Variants in TDRP observed in about 807,000 individuals in gnomAD.
The protein encoded by TDRP is testis development related protein, also known as testis development-related protein.
In TDRP, 12 loss-of-function variants were observed where a neutral mutation model predicts 10.5. The ratio of observed to expected loss-of-function variants is 1.15; its 90% confidence interval spans 0.73 to 1.86. TDRP has a LOEUF of 1.86. Among genes scored for constraint, TDRP ranks in the 40% most tolerant of loss-of-function variants. The pLI is 0.00. For missense variants in TDRP, 353 were observed against 229.2 expected (o/e 1.54, Z -3.49); for synonymous variants, 139 against 95.4 (o/e 1.46, Z -2.67).
At chr8:521,827 G>C (rs1044540279) in intron 1 of TDRP, among the ~76,000 whole-genome samples, 1 of 152,100 alleles carries the variant, frequency 6.6e-6, no homozygotes, top group Non-Finnish European at 1.5e-5. Flanking sequence ...GGGTAATATG[G>C]ACATTTTAAC....
intron 1 of TDRP, among the ~76,000 whole-genome samples, chr8:520,002 G>A (rs1356145670): frequency 2.6e-5 from 4 of 152,202 alleles, no homozygotes; most frequent in South Asian, 2.1e-4. Flanking sequence ...GGCACAGAAT[G>A]GGAAAGAAAG....
At chr8:541,608 G>C (rs1247879847) in intron 1 of TDRP, among the ~76,000 whole-genome samples, 4 of 152,158 alleles carry the variant, frequency 2.6e-5, no homozygotes, top group African/African-American at 9.7e-5. Flanking sequence ...GATCTAAACA[G>C]ACACCTCACC....
chr8:494,543 C>A lies in TDRP; in HGVS notation c.163G>T (p.Asp55Tyr), dbSNP rs1451139222. The A allele has an allele frequency of 1.9e-6, 3 of 1,613,984 alleles. No homozygotes were observed. The highest frequency in any genetic ancestry group is 2.5e-6 in the Non-Finnish European group (3 of 1,179,878). The change falls in exon 2 of 3, where the codon GAT (aspartate) becomes TAT (tyrosine). Residue 55 changes from aspartate to tyrosine, a missense_variant. Coordinates refer to ENST00000324079, the MANE Select transcript of TDRP (RefSeq NM_001384899.1). ...WKEVTSLFNK[D>Y]DEQHLLERCK... ...CTTTCCAGGAGATGCTGCTCATCAT[C>A]TTTGTTAAACAGTGAAGTCACTTCT...
chr8:525,161 A>G lies in TDRP; in HGVS notation c.108+19489T>C, dbSNP rs988430219. ...CTTACAGGTCAAGAGAGACAGCGGC[A>G]TGACATAATTAAAGTGCTGAAGGAA... On this transcript the variant is annotated intron_variant, in intron 1 of 2. Transcript: ENST00000324079. Among the ~76,000 whole-genome samples, 3 of 152,338 alleles carry G rather than the reference A, an allele frequency of 2.0e-5. No homozygotes were observed. In the East Asian group the frequency reaches 5.8e-4, roughly 29 times the overall value.
Position 521,246 on chromosome 8 carries a change from C to CAAAAAAA in TDRP, c.108+23397_108+23403dup, listed in dbSNP as rs57263869. 4.3e-4 allele frequency among the ~76,000 whole-genome samples: 36 copies of CAAAAAAA among 84,576 alleles called. 4 individuals carry two copies. Among genetic ancestry groups the CAAAAAAA allele is most frequent in the African/African-American group, 9.9e-4 (21 of 21,276 alleles). 55.5% of individuals were successfully genotyped at this position (84,576 alleles called of 152,430 possible). A position where few individuals can be genotyped will look rare whatever the true frequency, so the allele number is the denominator to read the frequency against. On this transcript the variant is annotated intron_variant, in intron 1 of 2. Transcript: ENST00000324079. The stretch of plus-strand genomic sequence containing the variant: ...TCAAACCCCGTCTCTACTAAAAATC[C>CAAAAAAA]AAAAAAAAAAAAAAAAAAAAAATAG...
chr8:520,185 T>G (rs62484425), intron 1 of TDRP, among the ~76,000 whole-genome samples: 4,796 of 152,344 alleles, frequency 0.031, 126 homozygotes, highest in Non-Finnish European at 0.049. Flanking sequence ...CAATACCTCA[T>G]GTAAGTAGAA....
chr8:531,790 G>A (rs909661746), intron 1 of TDRP, among the ~76,000 whole-genome samples: 2 of 152,154 alleles, frequency 1.3e-5, no homozygotes, highest in Non-Finnish European at 2.9e-5. Context: ...ATTAACCACA[G>A]CCAAATATCT....
chr8:503,961 T>A (rs1321041004), intron 1 of TDRP, among the ~76,000 whole-genome samples: 1 of 125,094 alleles, frequency 8.0e-6, no homozygotes, highest in Non-Finnish European at 1.6e-5. Context: ...AATGCCCACC[T>A]CAGCACAAGT....
rs1454389605 is a variant in TDRP, at chr8:492,114, T to C, written c.*285A>G. ...GAGAAACTGCAAATCATTACTGCTGTATTATGGGAGAGCATCATAAATTCA... is the reference window on the plus strand; with the variant it reads ...GAGAAACTGCAAATCATTACTGCTGCATTATGGGAGAGCATCATAAATTCA... On this transcript the variant is annotated 3_prime_UTR_variant, in exon 3 of 3. Coordinates refer to ENST00000324079, the MANE Select transcript of TDRP (RefSeq NM_001384899.1). 4.1e-6 allele frequency: 5 copies of C among 1,222,196 alleles called. No individual in the cohort carries two copies. The African/African-American group carries it at 4.7e-5, about 11-fold the overall frequency. The allele number at this position is 1,222,196 out of a possible 1,614,324, so 75.7% of individuals were successfully genotyped here.
chr8:512,775 G>C (rs115247379), intron 1 of TDRP, among the ~76,000 whole-genome samples: 1,863 of 152,160 alleles, frequency 0.012, 32 homozygotes, highest in African/African-American at 0.043. Context: ...ATGAATTTGA[G>C]AACAGCCTGG....
At chr8:501,277 A>T (rs1801291885) in intron 1 of TDRP, among the ~76,000 whole-genome samples, 1 of 152,146 alleles carries the variant, frequency 6.6e-6, no homozygotes, top group Admixed American at 6.5e-5. Flanking sequence ...CATAACCTGC[A>T]CCTACCAGTT....
At position 521,246 on chromosome 8, in the gene TDRP, C is replaced by CAAAA. The variant is rs57263869; in HGVS notation, c.108+23400_108+23403dup. Among the ~76,000 whole-genome samples the CAAAA allele has an allele frequency of 6.4e-3, 544 of 84,504 alleles. 33 individuals are homozygous for CAAAA. Among genetic ancestry groups the CAAAA allele is most frequent in the African/African-American group, 0.021 (442 of 21,246 alleles). 55.4% of individuals were successfully genotyped at this position (84,504 alleles called of 152,430 possible). On this transcript the variant is annotated intron_variant, in intron 1 of 2. Coordinates refer to ENST00000324079, the MANE Select transcript of TDRP (RefSeq NM_001384899.1). ...TCAAACCCCGTCTCTACTAAAAATCCAAAAAAAAAAAAAAAAAAAAAATAG... is the reference window on the plus strand; with the variant it reads ...TCAAACCCCGTCTCTACTAAAAATCCAAAAAAAAAAAAAAAAAAAAAAAAAATAG...
At chr8:506,260 A>C (rs1236099361) in intron 1 of TDRP, among the ~76,000 whole-genome samples, 1 of 152,230 alleles carries the variant, frequency 6.6e-6, no homozygotes, top group East Asian at 1.9e-4. Flanking sequence ...GAAAATTCTT[A>C]AACATTTGGT....
At chr8:506,318 G>C (rs910583724) in intron 1 of TDRP, among the ~76,000 whole-genome samples, 1 of 152,154 alleles carries the variant, frequency 6.6e-6, no homozygotes, top group African/African-American at 2.4e-5. Context: ...CTCGGCAGCG[G>C]GGGGAGGGGA....
At chr8:544,621 T>C (rs1356692555) in intron 1 of TDRP, 29 bp downstream of exon 1, 13 of 1,221,670 alleles carry the variant, frequency 1.1e-5, no homozygotes, top group East Asian at 3.2e-5. Flanking sequence ...CCCGGCCTAC[T>C]AGCACTCCCC....
chr8:520,248 CT>C (rs1231824856), intron 1 of TDRP, among the ~76,000 whole-genome samples: 1 of 152,190 alleles, frequency 6.6e-6, no homozygotes, highest in African/African-American at 2.4e-5. Flanking sequence ...GCATAATATT[CT>C]CAAGTTCATC....
intron 1 of TDRP, among the ~76,000 whole-genome samples, chr8:506,312 G>T (rs533969784): frequency 6.6e-6 from 1 of 152,238 alleles, no homozygotes; most frequent in Non-Finnish European, 1.5e-5. Context: ...TCCCAGCTCG[G>T]CAGCGGGGGG....
rs148670966 is a variant in TDRP, at chr8:496,100, C to G, written c.109-1503G>C. ...ACCCTGGGCATCAGGTATCAGCTTT[C>G]CACATCACACACTGCACAAAAACCT... On this transcript the variant is annotated intron_variant, in intron 1 of 2. Coordinates refer to ENST00000324079, the MANE Select transcript of TDRP (RefSeq NM_001384899.1). Among the ~76,000 whole-genome samples, 273 of 152,290 alleles carry G rather than the reference C, an allele frequency of 1.8e-3. 1 individual carries two copies. The highest frequency in any genetic ancestry group is 6.2e-3 in the African/African-American group (257 of 41,566).
intron 1 of TDRP, among the ~76,000 whole-genome samples, chr8:542,850 T>G (rs1158077030): frequency 8.0e-6 from 1 of 125,682 alleles, no homozygotes; most frequent in Non-Finnish European, 1.7e-5. Context: ...AGAGCGAAAC[T>G]TCATCTCAAA....
Sources: gnomAD v4.1 joint callset for allele counts (sites outside exome capture counted in the v4.1 genomes callset) on GRCh38, gnomAD v4.1.1 for gene constraint, MANE v1.5 for transcripts, NCBI Gene and HGNC (gene_info 2026-07-23, HGNC 2026-07-21) for gene names.